KIAA2012: variants seen among roughly 807,000 people sequenced by gnomAD.
The protein encoded by KIAA2012 is KIAA2012, also known as uncharacterized protein KIAA2012.
Under a neutral mutation model 150.6 loss-of-function variants are expected in KIAA2012, and 125 were observed. That is an observed-to-expected ratio of 0.83 (90% CI 0.72 to 0.96). The LOEUF (loss-of-function observed/expected upper bound fraction) is 0.96. KIAA2012 is among the 40% of genes least tolerant of loss of function. The pLI is 0.00. For synonymous variants in KIAA2012, 462 were observed against 504.7 expected, an observed-to-expected ratio of 0.92 and a Z score of 1.13; for missense variants, 1,219 against 1,354.9, an observed-to-expected ratio of 0.90 and a Z score of 1.57.
intron 2 of KIAA2012, among the ~76,000 whole-genome samples, chr2:202,080,842 A>G (rs140912508): frequency 6.6e-6 from 1 of 152,282 alleles, no homozygotes; most frequent in East Asian, 1.9e-4. Flanking sequence ...GTAGCAAAAT[A>G]TATATAACAT....
chr2:202,152,073 G>A (rs945889027), intron 13 of KIAA2012, among the ~76,000 whole-genome samples: 1 of 152,074 alleles, frequency 6.6e-6, no homozygotes, highest in African/African-American at 2.4e-5. Context: ...CCTAGCATGC[G>A]ACTTTCTTTC....
intron 2 of KIAA2012, among the ~76,000 whole-genome samples, chr2:202,082,837 G>C (rs181932662): frequency 2.4e-3 from 269 of 114,192 alleles, no homozygotes; most frequent in African/African-American, 8.7e-3. Flanking sequence ...TGTACGGTAA[G>C]AGTCCAATTT....
At chr2:202,150,124 G>C in intron 13 of KIAA2012, among the ~76,000 whole-genome samples, 1 of 152,200 alleles carries the variant, frequency 6.6e-6, no homozygotes, top group East Asian at 1.9e-4. Flanking sequence ...CACTCTGTCA[G>C]AGTATAAGAT....
chr2:202,171,736 G>A (rs1275015609), intron 15 of KIAA2012, among the ~76,000 whole-genome samples: 1 of 152,132 alleles, frequency 6.6e-6, no homozygotes, highest in African/African-American at 2.4e-5. Context: ...AGGGAGGCAG[G>A]CAAACCCCTG....
intron 5 of KIAA2012, among the ~76,000 whole-genome samples, chr2:202,097,910 G>GC (rs1689935244): frequency 6.6e-6 from 1 of 152,114 alleles, no homozygotes; most frequent in Admixed American, 6.6e-5. Context: ...CTTCTAATGG[G>GC]CTCTCTTCTG....
chr2:202,173,620 A>C (rs187013154), intron 15 of KIAA2012, among the ~76,000 whole-genome samples: 73 of 152,290 alleles, frequency 4.8e-4, no homozygotes, highest in Non-Finnish European at 8.8e-4. Flanking sequence ...ACTTATGATC[A>C]AACATACAAA....
Position 202,190,348 on chromosome 2 carries a change from T to A in KIAA2012, c.2666T>A (p.Phe889Tyr). The A allele has an allele frequency of 1.3e-6, 2 of 1,550,570 alleles. No homozygotes were observed. ...SNRGSFASDS[F>Y]VEDPWLSPKY... ...AGAGGTTCCTTTGCCTCAGACTCCTTTGTAGAGGACCCTTGGCTTTCTCCC... is the reference window on the plus strand; with the variant it reads ...AGAGGTTCCTTTGCCTCAGACTCCTATGTAGAGGACCCTTGGCTTTCTCCC... The change falls in exon 19 of 24, where the codon TTT becomes TAT. Residue 889 changes from phenylalanine to tyrosine, a missense_variant. Coordinates refer to ENST00000498697, the MANE Select transcript of KIAA2012 (RefSeq NM_001277372.4).
At chr2:202,073,802 G>A (rs1181256584) in intron 1 of KIAA2012, 91 bp downstream of exon 1, 2 of 1,154,744 alleles carry the variant, frequency 1.7e-6, no homozygotes, top group Non-Finnish European at 2.5e-6. Flanking sequence ...GTGTGTCTTG[G>A]TTTGTGTTGT....
chr2:202,118,170 T>C (rs1690572169), intron 11 of KIAA2012, among the ~76,000 whole-genome samples: 1 of 152,266 alleles, frequency 6.6e-6, no homozygotes, highest in African/African-American at 2.4e-5. Context: ...TAGGAAGAAA[T>C]ACAGGAAGAT....
At chr2:202,204,842 A>ACATT (rs1184051308) in intron 23 of KIAA2012, among the ~76,000 whole-genome samples, 156 bp from the exon 24 acceptor site, 1 of 152,242 alleles carries the variant, frequency 6.6e-6, no homozygotes, top group Non-Finnish European at 1.5e-5. Context: ...CCCTACCTGG[A>ACATT]CATTCATTCA....
rs1690425693 is a variant in KIAA2012 at position 202,113,322 on chromosome 2, T to C, written c.1652-14T>C. On this transcript the variant is annotated splice_polypyrimidine_tract_variant and intron_variant, in intron 10 of 23. Coordinates refer to ENST00000498697, the MANE Select transcript of KIAA2012 (RefSeq NM_001277372.4). ...ACGGTACTGACACTGCCTATGCTTG[T>C]GCTTATTTTCAAGAAGATTCCAGCG... 6.5e-7 allele frequency: 1 copy of C among 1,543,540 alleles called. No individual in the cohort carries two copies. The highest frequency in any genetic ancestry group is 8.8e-7 in the Non-Finnish European group (1 of 1,140,800).
At chr2:202,097,154 G>A (rs1368754952) in intron 4 of KIAA2012, among the ~76,000 whole-genome samples, 1 of 152,180 alleles carries the variant, frequency 6.6e-6, no homozygotes, top group African/African-American at 2.4e-5. Context: ...GGAAGTGAGG[G>A]CAAGAAATCT....
rs548360298 is a variant in KIAA2012, at chr2:202,165,620, C to T, written c.2119+264C>T. On this transcript the variant is annotated intron_variant, in intron 15 of 23. Transcript: ENST00000498697. ...CCTGTAATCCCAGCTACTCGGGAGG[C>T]TGAGGCAGGAGAATCACTTGAACCC... 1.3e-4 allele frequency among the ~76,000 whole-genome samples: 20 copies of T among 152,246 alleles called. No homozygotes were observed. In the East Asian group the frequency reaches 3.1e-3, roughly 24 times the overall value.
intron 4 of KIAA2012, among the ~76,000 whole-genome samples, chr2:202,094,066 G>C (rs1689801368): frequency 6.6e-6 from 1 of 152,234 alleles, no homozygotes. Flanking sequence ...AGGATTACTT[G>C]AGGCTAGGAG....
At chr2:202,109,464 A>G (rs192645996) in intron 9 of KIAA2012, 149 bp from the exon 10 acceptor site, 56 of 629,840 alleles carry the variant, frequency 8.9e-5, no homozygotes, top group African/African-American at 7.5e-4. Flanking sequence ...ACACCAGGAC[A>G]ATTTCTCCCT....
intron 2 of KIAA2012, among the ~76,000 whole-genome samples, chr2:202,076,295 A>G (rs1689322936): frequency 6.6e-6 from 1 of 152,198 alleles, no homozygotes; most frequent in Non-Finnish European, 1.5e-5. Flanking sequence ...AAGAGTACCC[A>G]CAAATGTTTG....
intron 15 of KIAA2012, among the ~76,000 whole-genome samples, chr2:202,173,046 G>A (rs1189667483): frequency 6.6e-6 from 1 of 152,224 alleles, no homozygotes; most frequent in East Asian, 1.9e-4. Flanking sequence ...TATTGGAAGA[G>A]GAGGAAGTAG....
At chr2:202,102,901 G>T (rs1575012617) in intron 7 of KIAA2012, 45 bp from the exon 8 acceptor site, 1 of 1,527,882 alleles carries the variant, frequency 6.5e-7, no homozygotes, top group South Asian at 1.2e-5. Context: ...AGGCAGCAGG[G>T]TTTGGATACC....
chr2:202,184,203 G>A (rs1000593683), intron 15 of KIAA2012, among the ~76,000 whole-genome samples: 1 of 152,012 alleles, frequency 6.6e-6, no homozygotes, highest in African/African-American at 2.4e-5. Flanking sequence ...GGCCAATATG[G>A]TGAAACCCCA....
Sources: gnomAD v4.1 joint callset for allele counts (sites outside exome capture counted in the v4.1 genomes callset) on GRCh38, gnomAD v4.1.1 for gene constraint, MANE v1.5 for transcripts, NCBI Gene and HGNC (gene_info 2026-07-23, HGNC 2026-07-21) for gene names.